CNOT9: variants seen among roughly 807,000 people sequenced by gnomAD.
The protein encoded by CNOT9 is CCR4-NOT transcription complex subunit 9.
CNOT9 carries 8 observed loss-of-function variants against 37.4 expected under a neutral mutation model. That is an observed-to-expected ratio of 0.21 (90% CI 0.13 to 0.39). The LOEUF (loss-of-function observed/expected upper bound fraction) is 0.39, where lower values mean the gene tolerates loss of function less well. Ranked by LOEUF, CNOT9 falls within the 10% of genes least tolerant of loss-of-function variation. The pLI is 1.00. For synonymous variants in CNOT9, 120 were observed against 137.6 expected (o/e 0.87, Z 0.90); for missense variants, 154 against 365.3 (o/e 0.42, Z 4.71).
intron 3 of CNOT9, 133 bp downstream of exon 3, chr2:218,583,219 GTGTGTGTGTGTGTGTCTCTCTCTCTC>G (rs1559247318): frequency 2.0e-4 from 77 of 384,872 alleles, no homozygotes; most frequent in East Asian, 5.3e-4. Flanking sequence ...GTGTGTGTGT[GTGTGTGTGTGTGTGTCTCTCTCTCTC>G]TCTCTCTCTC....
At chr2:218,588,489 A>G (rs1051877603) in intron 5 of CNOT9, among the ~76,000 whole-genome samples, 6 of 145,444 alleles carry the variant, frequency 4.1e-5, no homozygotes, top group East Asian at 2.1e-4. Flanking sequence ...GGGTTTCACT[A>G]TATTAACCAG....
Position 218,580,595 on chromosome 2 carries a change from A to G in CNOT9, c.59A>G (p.Glu20Gly). 1 of 1,613,756 alleles carries G rather than the reference A, an allele frequency of 6.2e-7. No homozygotes were observed. The highest frequency in any genetic ancestry group is 8.5e-7 in the Non-Finnish European group (1 of 1,179,770). ...VPTTLAQVDR[E>G]KIYQWINELS... ...ACTACACTGGCACAAGTGGATAGAGAAAAGATCTATCAGTGGATCAATGAG... is the reference window on the plus strand; with the variant it reads ...ACTACACTGGCACAAGTGGATAGAGGAAAGATCTATCAGTGGATCAATGAG... The change falls in exon 2 of 8, where the codon GAA (glutamate) becomes GGA (glycine). Residue 20 changes from glutamate (E) to glycine (G), a missense_variant. Physicochemically the swap from Glu to Gly is moderately conservative, Grantham distance 98 (BLOSUM62 -2). Transcript: ENST00000273064.
At chr2:218,578,554 C>T (rs190999859) in intron 1 of CNOT9, among the ~76,000 whole-genome samples, 11 of 152,264 alleles carry the variant, frequency 7.2e-5, no homozygotes, top group Admixed American at 1.3e-4. Flanking sequence ...CAAAAAAGTA[C>T]GGGAATATGC....
chr2:218,573,888 A>G, intron 1 of CNOT9: 2 of 299,676 alleles, frequency 6.7e-6, no homozygotes, highest in Admixed American at 4.5e-5. Context: ...AAAAGGAGGG[A>G]GAGTTACCAC....
At chr2:218,589,638 A>G (rs1022089193) in intron 5 of CNOT9, among the ~76,000 whole-genome samples, 6 of 151,870 alleles carry the variant, frequency 4.0e-5, no homozygotes, top group African/African-American at 7.3e-5. Context: ...TGACCAATTT[A>G]TTGTTTTTAA....
chr2:218,583,064 G>A lies in CNOT9; in HGVS notation c.298G>A (p.Val100Ile). Reference sequence around the variant, plus strand: ...CAATGCTCTGGCATTACTGCAATGTGTAGCATCACATCCAGAAACCAGGTA... The same window carrying A: ...CAATGCTCTGGCATTACTGCAATGTATAGCATCACATCCAGAAACCAGGTA... ...VCNALALLQC[V>I]ASHPETRSAF... Residue 100 changes from valine to isoleucine, a missense_variant, in exon 3 of 8, where the codon GTA (valine) becomes ATA (isoleucine). Val to Ile is a conservative substitution (Grantham distance 29). This residue lies in a region of CNOT9 where 117 missense variants were observed against 325.4 expected (regional missense o/e 0.36). Transcript: ENST00000273064. 6.2e-7 allele frequency: 1 copy of A among 1,613,250 alleles called. No homozygotes were observed. Among genetic ancestry groups the A allele is most frequent in the Non-Finnish European group, 8.5e-7 (1 of 1,179,234 alleles).
intron 1 of CNOT9, among the ~76,000 whole-genome samples, chr2:218,573,318 TAAAAAAA>T (rs34596336): frequency 2.3e-5 from 3 of 132,866 alleles, no homozygotes; most frequent in African/African-American, 5.5e-5. Flanking sequence ...AACTCCATCT[TAAAAAAA>T]AAAAAAAAAA....
intron 3 of CNOT9, among the ~76,000 whole-genome samples, chr2:218,583,582 G>T (rs1209289199): frequency 6.6e-6 from 1 of 152,104 alleles, no homozygotes. Flanking sequence ...TTTGCCACCT[G>T]TCATATCTAA....
In CNOT9 at chr2:218,596,180, T is replaced by C. The variant is rs950626694; in HGVS notation, c.*1904T>C. 6.6e-6 allele frequency: 1 copy of C among 152,112 alleles called. No individual in the cohort carries two copies. The highest frequency in any genetic ancestry group is 1.5e-5 in the Non-Finnish European group (1 of 68,032). 9.4% of individuals were successfully genotyped at this position (152,112 alleles called of 1,614,324 possible). On this transcript the variant is annotated 3_prime_UTR_variant, in exon 8 of 8. Transcript: ENST00000273064. ...CCCAGGGCCTTGCTCCCTGGGAAAT[T>C]CTCTTCTCTCCATCTTTCGGTGCAT...
chr2:218,593,277 A>G (rs1694840684), intron 7 of CNOT9, among the ~76,000 whole-genome samples: 1 of 152,168 alleles, frequency 6.6e-6, no homozygotes, highest in Admixed American at 6.5e-5. Context: ...TAATGGAGCA[A>G]TTTCTGTGTT....
chr2:218,569,051 T>A, intron 1 of CNOT9, 73 bp downstream of exon 1: 1 of 1,539,910 alleles, frequency 6.5e-7, no homozygotes, highest in Non-Finnish European at 8.9e-7. Flanking sequence ...CTCTCCTAAT[T>A]CCCGGTGTCG....
chr2:218,575,628 C>T (rs986875457), intron 1 of CNOT9, among the ~76,000 whole-genome samples: 3 of 152,164 alleles, frequency 2.0e-5, no homozygotes, highest in Non-Finnish European at 4.4e-5. Context: ...TGGTCTCACA[C>T]TCCTGACCTT....
chr2:218,576,966 C>CA (rs34234485), intron 1 of CNOT9, among the ~76,000 whole-genome samples: 82,460 of 136,730 alleles, frequency 0.6, 24,299 homozygotes, highest in East Asian at 0.89. Context: ...GGCTCCATCT[C>CA]AAAAAAAAAA....
chr2:218,575,655 G>A (rs911304476), intron 1 of CNOT9, among the ~76,000 whole-genome samples: 11 of 151,900 alleles, frequency 7.2e-5, no homozygotes, highest in East Asian at 1.9e-4. Context: ...CTCCCACCTC[G>A]GCCTCCCAAA....
At chr2:218,571,442 A>T (rs531762480) in intron 1 of CNOT9, among the ~76,000 whole-genome samples, 2 of 152,318 alleles carry the variant, frequency 1.3e-5, no homozygotes, top group South Asian at 4.1e-4. Context: ...AGAGAGAGAG[A>T]ATGTAGTCAC....
At position 218,592,558 on chromosome 2, in the gene CNOT9, A is replaced by C. The variant is rs1215051422; in HGVS notation, c.640-58A>C. 1.4e-5 allele frequency: 22 copies of C among 1,564,338 alleles called. No homozygotes were observed. The highest frequency in any genetic ancestry group is 1.9e-5 in the Non-Finnish European group (22 of 1,134,924). ...CTATCTGATCTCTGATGTCAATTAG[A>C]ATTTGTTTGTGTTTTGTGTGTTTTT... On this transcript the variant is annotated intron_variant, in intron 6 of 7. Coordinates refer to ENST00000273064, the MANE Select transcript of CNOT9 (RefSeq NM_005444.3). This position sits in a 1 kb window ranked among gnomAD's most constrained non-coding sequence, Gnocchi z 4.1.
At chr2:218,578,777 C>T (rs1269375134) in intron 1 of CNOT9, among the ~76,000 whole-genome samples, 1 of 152,152 alleles carries the variant, frequency 6.6e-6, no homozygotes, top group Non-Finnish European at 1.5e-5. Context: ...TAGCAATTAT[C>T]ATTTTTCTAG....
At position 218,568,921 on chromosome 2, in the gene CNOT9, C is replaced by A; in HGVS notation, c.-34C>A. On this transcript the variant is annotated 5_prime_UTR_variant, in exon 1 of 8. Coordinates refer to ENST00000273064, the MANE Select transcript of CNOT9 (RefSeq NM_005444.3). ...AAGGGGGGACGCGGGTCGGACGCGT[C>A]CGGCTGTGGAAGAGAGCGGCGGCCG... is the stretch of plus-strand genomic sequence containing the variant. 1 of 1,603,384 alleles carries A rather than the reference C, an allele frequency of 6.2e-7. No homozygotes were observed. Among genetic ancestry groups the A allele is most frequent in the Non-Finnish European group, 8.5e-7 (1 of 1,174,798 alleles).
intron 7 of CNOT9, chr2:218,593,116 T>TG: frequency 4.4e-6 from 1 of 229,284 alleles, no homozygotes; most frequent in Non-Finnish European, 8.5e-6. Flanking sequence ...ATAAGTTTCT[T>TG]GAGCTAATTA....
Sources: allele counts gnomAD v4.1 joint callset (sites outside exome capture counted in the v4.1 genomes callset), GRCh38; gene constraint gnomAD v4.1.1; regional missense constraint gnomAD v4.1.1; non-coding constraint Gnocchi (gnomAD v3.1); transcripts MANE v1.5; gene names NCBI Gene and HGNC (gene_info 2026-07-23, HGNC 2026-07-21).